The following FRMD4A variants were observed in gnomAD, a reference collection of about 807,000 sequenced individuals.
The protein encoded by FRMD4A is FERM domain-containing protein 4A.
In FRMD4A, 29 loss-of-function variants were observed where a neutral mutation model predicts 129.1. The ratio of observed to expected loss-of-function variants is 0.22; its 90% CI spans 0.17 to 0.31. The LOEUF is 0.31. FRMD4A is among the 10% of genes least tolerant of loss of function. The probability of loss-of-function intolerance (pLI) is 1.00; values close to 1 mark genes in which losing one functional copy is unlikely to be tolerated. For missense variants in FRMD4A, 1,272 were observed against 1,375.8 expected, an observed-to-expected ratio of 0.92 and a Z score of 1.19; for synonymous variants, 634 against 571.6, an observed-to-expected ratio of 1.11 and a Z score of -1.56.
intron 15 of FRMD4A, among the ~76,000 whole-genome samples, chr10:13,680,023 G>A (rs1258093439): frequency 6.6e-6 from 1 of 152,224 alleles, no homozygotes; most frequent in East Asian, 1.9e-4. Flanking sequence ...AAGGGAAGAA[G>A]GAAAGAAGCT....
chr10:14,296,088 C>A (rs1218464), intron 2 of FRMD4A, among the ~76,000 whole-genome samples: 22 of 150,408 alleles, frequency 1.5e-4, no homozygotes, highest in African/African-American at 5.0e-4. Context: ...CGCCTGGCGA[C>A]GGGGGGTCTC....
intron 2 of FRMD4A, among the ~76,000 whole-genome samples, chr10:13,895,974 A>T (rs748238830): frequency 1.3e-5 from 2 of 152,250 alleles, no homozygotes; most frequent in African/African-American, 2.4e-5. Flanking sequence ...ATGAGATGCC[A>T]TCTCATGCCA....
intron 2 of FRMD4A, among the ~76,000 whole-genome samples, chr10:13,867,037 G>C (rs2094376651): frequency 6.6e-6 from 1 of 152,082 alleles, no homozygotes; most frequent in Non-Finnish European, 1.5e-5. Flanking sequence ...CATCTCACAT[G>C]GTTACTTTTT....
chr10:13,684,887 TGAA>T (rs1159868109), intron 15 of FRMD4A: 1 of 951,044 alleles, frequency 1.1e-6, no homozygotes, highest in Non-Finnish European at 1.2e-6. Flanking sequence ...AAAAAAAAAA[TGAA>T]GAAGGCGGTA....
intron 2 of FRMD4A, among the ~76,000 whole-genome samples, chr10:14,016,328 A>G (rs536174975): frequency 6.6e-6 from 1 of 152,346 alleles, no homozygotes; most frequent in East Asian, 1.9e-4. Flanking sequence ...AGTCTGCTGA[A>G]CACCTACCCA....
intron 8 of FRMD4A, among the ~76,000 whole-genome samples, chr10:13,750,235 A>T: frequency 6.6e-6 from 1 of 152,090 alleles, no homozygotes; most frequent in East Asian, 1.9e-4. Context: ...CTCAAAGTGT[A>T]ACTGTTTGAA....
At chr10:14,309,866 A>G (rs1846481133) in intron 2 of FRMD4A, among the ~76,000 whole-genome samples, 1 of 152,108 alleles carries the variant, frequency 6.6e-6, no homozygotes, top group Non-Finnish European at 1.5e-5. Flanking sequence ...TTCAAAACCT[A>G]TTCTTCAGCT....
chr10:13,875,834 A>G (rs1368268498), intron 2 of FRMD4A, among the ~76,000 whole-genome samples: 1 of 152,158 alleles, frequency 6.6e-6, no homozygotes, highest in East Asian at 1.9e-4. Context: ...GGCAAAAGGG[A>G]GGCTATTATT....
intron 2 of FRMD4A, among the ~76,000 whole-genome samples, chr10:14,081,905 T>C (rs1268256433): frequency 6.6e-6 from 1 of 152,230 alleles, no homozygotes; most frequent in Non-Finnish European, 1.5e-5. Flanking sequence ...TAGGTTGTAT[T>C]TGTCCTAATT....
intron 19 of FRMD4A, among the ~76,000 whole-genome samples, chr10:13,661,938 G>A (rs2082671492): frequency 6.6e-6 from 1 of 152,170 alleles, no homozygotes; most frequent in African/African-American, 2.4e-5. Flanking sequence ...CCTCAAATCA[G>A]TAAAGGAAGA....
chr10:14,145,365 G>A (rs1479953764), intron 2 of FRMD4A, among the ~76,000 whole-genome samples: 1 of 152,058 alleles, frequency 6.6e-6, no homozygotes, highest in East Asian at 1.9e-4. Flanking sequence ...TTTTTAAAAC[G>A]AGTTCTATTT....
chr10:13,756,248 T>C (rs931670685), intron 8 of FRMD4A: 1 of 152,252 alleles, frequency 6.6e-6, no homozygotes, highest in Non-Finnish European at 1.5e-5. Context: ...TGTTAATGTA[T>C]GGACGATTCT....
At chr10:13,929,535 C>T (rs969187756) in intron 2 of FRMD4A, among the ~76,000 whole-genome samples, 4 of 152,148 alleles carry the variant, frequency 2.6e-5, no homozygotes, top group African/African-American at 9.7e-5. Context: ...ACCAACATCA[C>T]CTCTGGAAGG....
intron 2 of FRMD4A, among the ~76,000 whole-genome samples, chr10:14,262,503 T>G (rs1342776264): frequency 2.0e-5 from 3 of 152,176 alleles, no homozygotes; most frequent in Non-Finnish European, 4.4e-5. Context: ...AATGCAAGTA[T>G]ATATGGTTCT....
chr10:13,867,660 A>T (rs1182573437), intron 2 of FRMD4A, among the ~76,000 whole-genome samples: 8 of 132,724 alleles, frequency 6.0e-5, no homozygotes, highest in Non-Finnish European at 9.3e-5. Context: ...TAAATATATA[A>T]TATATAATAT....
intron 2 of FRMD4A, among the ~76,000 whole-genome samples, chr10:14,211,905 T>A (rs1035072725): frequency 2.6e-5 from 4 of 152,188 alleles, no homozygotes; most frequent in Non-Finnish European, 4.4e-5. Context: ...AAAAGCCTGA[T>A]TATCTCTCAG....
chr10:13,852,695 G>A (rs975636146), intron 3 of FRMD4A, among the ~76,000 whole-genome samples: 1 of 152,206 alleles, frequency 6.6e-6, no homozygotes, highest in African/African-American at 2.4e-5. Flanking sequence ...ACAAGCTGGT[G>A]TGTGATTTAT....
chr10:13,860,300 G>T (rs1395785400), intron 2 of FRMD4A, among the ~76,000 whole-genome samples: 1 of 152,166 alleles, frequency 6.6e-6, no homozygotes, highest in Non-Finnish European at 1.5e-5. Flanking sequence ...GGAAGGGATA[G>T]ATTTTTATTA....
chr10:13,787,111 C>T (rs1269632938), intron 5 of FRMD4A, among the ~76,000 whole-genome samples: 2 of 152,082 alleles, frequency 1.3e-5, no homozygotes, highest in African/African-American at 4.8e-5. Flanking sequence ...AGAGAAGGTA[C>T]AGGAAATAAC....
Sources: gnomAD v4.1 joint callset for allele counts (sites outside exome capture counted in the v4.1 genomes callset) on GRCh38, gnomAD v4.1.1 for gene constraint, MANE v1.5 for transcripts, NCBI Gene and HGNC (gene_info 2026-07-23, HGNC 2026-07-21) for gene names.